The following SGK3 variants were observed in gnomAD, a reference collection of about 807,000 sequenced individuals.
SGK3 encodes the protein serine/threonine-protein kinase Sgk3.
SGK3 carries 47 observed loss-of-function variants against 68.5 expected under a neutral mutation model. The ratio of observed to expected loss-of-function variants is 0.69; its 90% CI spans 0.54 to 0.87. The LOEUF is 0.87. Ranked by LOEUF, SGK3 falls within the 40% of genes least tolerant of loss-of-function variation. The pLI, the probability that SGK3 is intolerant of heterozygous loss-of-function variation, is 0.00. For synonymous variants in SGK3, 181 were observed against 189.1 expected (o/e 0.96, Z 0.35); for missense variants, 479 against 575.5 (o/e 0.83, Z 1.72).
chr8:66,733,227 C>G (rs1430391305), intron 1 of SGK3, among the ~76,000 whole-genome samples: 1 of 152,170 alleles, frequency 6.6e-6, no homozygotes, highest in Non-Finnish European at 1.5e-5. Flanking sequence ...CTTTGCAGGT[C>G]TTGGCAAAGA....
At chr8:66,838,588 C>T (rs938746169) in intron 10 of SGK3, among the ~76,000 whole-genome samples, 5 of 152,108 alleles carry the variant, frequency 3.3e-5, no homozygotes, top group South Asian at 2.1e-4. Flanking sequence ...GTGGTTTCTT[C>T]GTGCTCTTTT....
chr8:66,779,603 A>ATATATAT (rs1563623107), intron 1 of SGK3, among the ~76,000 whole-genome samples: 1 of 122,292 alleles, frequency 8.2e-6, no homozygotes, highest in East Asian at 2.6e-4. Context: ...TATATATATA[A>ATATATAT]AACACATTTT....
chr8:66,791,725 A>G (rs1807463580), intron 1 of SGK3, among the ~76,000 whole-genome samples: 1 of 152,196 alleles, frequency 6.6e-6, no homozygotes. Flanking sequence ...AGTGTAGCTC[A>G]TAACCTTCAC....
chr8:66,818,477 A>G (rs898244934), intron 5 of SGK3, among the ~76,000 whole-genome samples: 3 of 152,236 alleles, frequency 2.0e-5, no homozygotes, highest in Admixed American at 2.0e-4. Context: ...ATAAATTATG[A>G]GAAATAAATG....
intron 1 of SGK3, chr8:66,777,822 T>C: frequency 6.6e-6 from 1 of 152,264 alleles, no homozygotes; most frequent in East Asian, 1.9e-4. Flanking sequence ...AGTTCCAGTT[T>C]AGGTTTGTAA....
At chr8:66,724,675 C>T (rs1804926951) in intron 1 of SGK3, among the ~76,000 whole-genome samples, 1 of 152,182 alleles carries the variant, frequency 6.6e-6, no homozygotes, top group African/African-American at 2.4e-5. Context: ...TTTCACTGGA[C>T]ATGTTAGGAT....
At chr8:66,820,203 A>G (rs189268881) in intron 5 of SGK3, among the ~76,000 whole-genome samples, 7 of 152,268 alleles carry the variant, frequency 4.6e-5, no homozygotes, top group Admixed American at 1.3e-4. Context: ...TCATCACCTT[A>G]AAAAGAAACT....
chr8:66,802,721 G>A (rs1197580538), intron 3 of SGK3, among the ~76,000 whole-genome samples: 3 of 151,082 alleles, frequency 2.0e-5, no homozygotes, highest in African/African-American at 4.9e-5. Context: ...AGGGGAGGGG[G>A]CGAAGGAAGG....
chr8:66,836,031 C>T lies in SGK3; in HGVS notation c.698C>T (p.Thr233Ile). The change falls in exon 10 of 17, where the codon ACT (threonine) becomes ATT (isoleucine). Residue 233 changes from threonine (T) to isoleucine (I), a missense_variant. Physicochemically the swap from Thr to Ile is moderately conservative, Grantham distance 89 (BLOSUM62 -1). Coordinates refer to ENST00000521198, the MANE Select transcript of SGK3 (RefSeq NM_001033578.3). ...GGATTGCATTATTCCTTCCAAACAA[C>T]TGAAAAGCTTTATTTTGTTCTGGAT... ...LVGLHYSFQT[T>I]EKLYFVLDFV... 5.6e-6 allele frequency: 9 copies of T among 1,613,594 alleles called. No individual in the cohort carries two copies. Among genetic ancestry groups the T allele is most frequent in the Non-Finnish European group, 7.6e-6 (9 of 1,179,800 alleles).
chr8:66,754,627 C>T (rs904903009), intron 1 of SGK3, among the ~76,000 whole-genome samples: 1 of 152,254 alleles, frequency 6.6e-6, no homozygotes, highest in African/African-American at 2.4e-5. Flanking sequence ...CTTATGCACA[C>T]AGTCTGAAGG....
chr8:66,726,852 G>A (rs1000497652), intron 1 of SGK3, among the ~76,000 whole-genome samples: 3 of 142,810 alleles, frequency 2.1e-5, no homozygotes, highest in African/African-American at 8.3e-5. Flanking sequence ...GTTAAATCCT[G>A]AACCTATAGA....
At chr8:66,790,831 G>T (rs1380720035) in intron 1 of SGK3, 1 of 146,754 alleles carries the variant, frequency 6.8e-6, no homozygotes, top group Non-Finnish European at 1.5e-5. Context: ...ACCATGCACA[G>T]GTAGTTGAGC....
At chr8:66,841,157 C>A (rs769171336) in intron 13 of SGK3, 47 bp downstream of exon 13, 20 of 1,396,108 alleles carry the variant, frequency 1.4e-5, no homozygotes, top group African/African-American at 3.0e-5. Flanking sequence ...GTATAAAATG[C>A]AAATATGAAT....
chr8:66,814,038 T>C (rs1195038585), intron 5 of SGK3, 110 bp downstream of exon 5: 1 of 801,344 alleles, frequency 1.2e-6, no homozygotes, highest in African/African-American at 1.8e-5. Context: ...GTGCTATATA[T>C]GTTTGTAAAA....
intron 1 of SGK3, among the ~76,000 whole-genome samples, chr8:66,739,076 T>A (rs1247832386): frequency 6.6e-6 from 1 of 152,192 alleles, no homozygotes; most frequent in Non-Finnish European, 1.5e-5. Context: ...TGTAGTTCAT[T>A]TTGCGTTGCT....
chr8:66,835,826 A>G lies in SGK3; in HGVS notation c.589A>G (p.Ile197Val). The change falls in exon 9 of 17, where the codon ATA becomes GTA. Residue 197 changes from isoleucine (I) to valine (V), a missense_variant. By Grantham distance (29) the Ile-to-Val change is conservative (BLOSUM62 3). Coordinates refer to ENST00000521198, the MANE Select transcript of SGK3 (RefSeq NM_001033578.3). ...TGCTGTCAAAGTGTTACAGAAAAAAATAGTTCTCAACAGAAAAGAGGTAAA... is the reference window on the plus strand; with the variant it reads ...TGCTGTCAAAGTGTTACAGAAAAAAGTAGTTCTCAACAGAAAAGAGGTAAA... ...FYAVKVLQKKIVLNRKEQKHI... is the reference protein window; with the variant it reads ...FYAVKVLQKKVVLNRKEQKHI... 1 of 1,610,298 alleles carries G rather than the reference A, an allele frequency of 6.2e-7. No homozygotes were observed. Among genetic ancestry groups the G allele is most frequent in the African/African-American group, 1.3e-5 (1 of 74,862 alleles).
intron 1 of SGK3, among the ~76,000 whole-genome samples, chr8:66,714,818 T>G (rs1461611507): frequency 1.3e-5 from 2 of 152,144 alleles, no homozygotes; most frequent in Admixed American, 1.3e-4. Flanking sequence ...AACTGAGGCA[T>G]GGAAATGTTA....
chr8:66,805,736 A>G (rs746202987), intron 4 of SGK3, among the ~76,000 whole-genome samples: 2 of 152,186 alleles, frequency 1.3e-5, no homozygotes, highest in African/African-American at 2.4e-5. Context: ...AAAGTCATCT[A>G]TCTCTGCCAC....
intron 1 of SGK3, among the ~76,000 whole-genome samples, chr8:66,723,090 CATATATATATATATATATATA>C (rs1804846366): frequency 4.7e-5 from 1 of 21,276 alleles, no homozygotes; most frequent in African/African-American, 2.4e-4. Context: ...AGATTTTGTT[CATATATATATATATATATATA>C]TATATATATA....
Sources: gnomAD v4.1 joint callset for allele counts (sites outside exome capture counted in the v4.1 genomes callset) on GRCh38, gnomAD v4.1.1 for gene constraint, MANE v1.5 for transcripts, NCBI Gene and HGNC (gene_info 2026-07-23, HGNC 2026-07-21) for gene names.